NCKAP5: variants seen among roughly 807,000 people sequenced by gnomAD.
The protein encoded by NCKAP5 is nck-associated protein 5.
A neutral mutation model predicts 167.0 loss-of-function variants in NCKAP5; 92 were observed. That is an observed-to-expected ratio of 0.55 (90% CI 0.47 to 0.66). The LOEUF (loss-of-function observed/expected upper bound fraction) is 0.66, where lower values mean the gene tolerates loss of function less well. Ranked by LOEUF, NCKAP5 falls within the 30% of genes least tolerant of loss-of-function variation. The pLI, the probability that NCKAP5 is intolerant of heterozygous loss-of-function variation, is 0.00. For synonymous variants in NCKAP5, 891 were observed against 877.4 expected, an observed-to-expected ratio of 1.02 and a Z score of -0.27; for missense variants, 2,378 against 2,315.0, an observed-to-expected ratio of 1.03 and a Z score of -0.56.
At chr2:132,805,768 T>C (rs2105230632) in intron 11 of NCKAP5, among the ~76,000 whole-genome samples, 1 of 152,184 alleles carries the variant, frequency 6.6e-6, no homozygotes, top group Non-Finnish European at 1.5e-5. Flanking sequence ...TTTAATTCAA[T>C]ATTTTATTTT....
intron 5 of NCKAP5, among the ~76,000 whole-genome samples, chr2:133,157,152 C>G (rs531996418): frequency 3.2e-4 from 48 of 152,336 alleles, no homozygotes; most frequent in African/African-American, 1.1e-3. Context: ...TATCTCACAT[C>G]TGGAATCTAC....
chr2:133,647,376 A>AAAGAAAGGAAGGAAGGAAGGAAGG, the NCKAP5 span, among the ~76,000 whole-genome samples: 1 of 82,482 alleles, frequency 1.2e-5, no homozygotes, highest in Admixed American at 1.6e-4. Flanking sequence ...AGGAAGAAAG[A>AAAGAAAGGAAGGAAGGAAGGAAGG]AAGGAAGGAA....
At chr2:133,586,276 C>T in the NCKAP5 span, among the ~76,000 whole-genome samples, 8 of 152,144 alleles carry the variant, frequency 5.3e-5, no homozygotes, top group East Asian at 7.7e-4. Flanking sequence ...ACGTGATCTG[C>T]GGCCCAATAA....
At chr2:132,907,222 T>C (rs1000322729) in intron 8 of NCKAP5, among the ~76,000 whole-genome samples, 1 of 152,170 alleles carries the variant, frequency 6.6e-6, no homozygotes, top group Non-Finnish European at 1.5e-5. Context: ...CATCCTCAAC[T>C]CATAACAATG....
At chr2:133,455,111 A>G (rs184430356) in intron 3 of NCKAP5, among the ~76,000 whole-genome samples, 2 of 152,232 alleles carry the variant, frequency 1.3e-5, no homozygotes, top group Admixed American at 6.5e-5. Flanking sequence ...ATCCAGCCTG[A>G]TTTGTTTAAA....
At chr2:132,895,158 C>A (rs1017730562) in intron 8 of NCKAP5, among the ~76,000 whole-genome samples, 2 of 151,534 alleles carry the variant, frequency 1.3e-5, no homozygotes, top group African/African-American at 4.8e-5. Flanking sequence ...GGTGAAACCC[C>A]GTCTCTACTA....
intron 3 of NCKAP5, among the ~76,000 whole-genome samples, chr2:133,337,166 T>C (rs981385249): frequency 2.0e-5 from 3 of 152,184 alleles, no homozygotes; most frequent in Admixed American, 6.5e-5. Flanking sequence ...TAGGACAATT[T>C]TAATTTTTCA....
chr2:133,150,723 T>A (rs529835552), intron 5 of NCKAP5, among the ~76,000 whole-genome samples: 3 of 152,308 alleles, frequency 2.0e-5, no homozygotes, highest in Admixed American at 2.0e-4. Context: ...ATACATCACC[T>A]GTAACACAGC....
chr2:133,281,345 A>G (rs1456289411), intron 4 of NCKAP5, among the ~76,000 whole-genome samples: 1 of 152,202 alleles, frequency 6.6e-6, no homozygotes, highest in Non-Finnish European at 1.5e-5. Flanking sequence ...CAAAATGTAA[A>G]CTTGGGTTTT....
chr2:133,432,153 G>A (rs1395703763), intron 3 of NCKAP5, among the ~76,000 whole-genome samples: 2 of 152,044 alleles, frequency 1.3e-5, no homozygotes, highest in Admixed American at 6.5e-5. Flanking sequence ...ACTTTGAAGA[G>A]GAAACATCAT....
intron 11 of NCKAP5, among the ~76,000 whole-genome samples, chr2:132,832,327 T>C (rs968705915): frequency 6.6e-6 from 1 of 152,144 alleles, no homozygotes; most frequent in Non-Finnish European, 1.5e-5. Context: ...CTAATTACAT[T>C]TTCTAATTAA....
intron 3 of NCKAP5, among the ~76,000 whole-genome samples, chr2:133,405,261 T>C (rs527802438): frequency 1.3e-5 from 2 of 152,350 alleles, no homozygotes. Context: ...AGAAAGTTCA[T>C]TTATTAACTT....
At chr2:133,225,593 A>G (rs953896700) in intron 4 of NCKAP5, among the ~76,000 whole-genome samples, 5 of 152,098 alleles carry the variant, frequency 3.3e-5, no homozygotes, top group Admixed American at 2.6e-4. Context: ...GGGTGAGTTC[A>G]GCTCAACAAA....
At chr2:133,157,524 A>G (rs1454608492) in intron 5 of NCKAP5, among the ~76,000 whole-genome samples, 1 of 152,196 alleles carries the variant, frequency 6.6e-6, no homozygotes, top group Admixed American at 6.5e-5. Flanking sequence ...CTGTGTTTTG[A>G]TTAATGGTTT....
intron 3 of NCKAP5, among the ~76,000 whole-genome samples, chr2:133,493,012 C>A (rs1339594055): frequency 6.6e-6 from 1 of 152,200 alleles, no homozygotes; most frequent in Non-Finnish European, 1.5e-5. Context: ...ACAACCTCTG[C>A]ACTGGCAAAC....
intron 5 of NCKAP5, among the ~76,000 whole-genome samples, chr2:133,202,350 C>T (rs777630257): frequency 2.6e-5 from 4 of 152,192 alleles, no homozygotes; most frequent in African/African-American, 4.8e-5. Context: ...AAAGCTGAAA[C>T]TGGATCCCTT....
At chr2:133,344,461 G>T (rs1208529634) in intron 3 of NCKAP5, among the ~76,000 whole-genome samples, 1 of 151,784 alleles carries the variant, frequency 6.6e-6, no homozygotes, top group East Asian at 1.9e-4. Flanking sequence ...TGAAGATAGT[G>T]GGGGAGAAGA....
the NCKAP5 span, among the ~76,000 whole-genome samples, chr2:133,579,294 T>C: frequency 6.6e-6 from 1 of 152,200 alleles, no homozygotes; most frequent in African/African-American, 2.4e-5. Flanking sequence ...CAAACTGTAA[T>C]TGTATGTTAA....
At chr2:133,005,504 C>A (rs954473225) in intron 6 of NCKAP5, among the ~76,000 whole-genome samples, 1 of 152,172 alleles carries the variant, frequency 6.6e-6, no homozygotes. Context: ...CTATCCTTGT[C>A]AAATGTGTCC....
Sources: allele counts gnomAD v4.1 joint callset (sites outside exome capture counted in the v4.1 genomes callset), GRCh38; gene constraint gnomAD v4.1.1; transcripts MANE v1.5; gene names NCBI Gene and HGNC (gene_info 2026-07-23, HGNC 2026-07-21).